The following RPTOR variants were observed in gnomAD, a reference collection of about 807,000 sequenced individuals.
RPTOR encodes the protein regulatory associated protein of MTOR complex 1.
Under a neutral mutation model 169.9 loss-of-function variants are expected in RPTOR, and 21 were observed. The observed-to-expected ratio is 0.12, with a 90% CI of 0.09 to 0.18. The LOEUF is 0.18. RPTOR is among the 10% of genes least tolerant of loss of function. RPTOR has a pLI of 1.00. For missense variants in RPTOR, 1,133 were observed against 1,855.9 expected (o/e 0.61, Z 7.16); for synonymous variants, 732 against 753.2 (o/e 0.97, Z 0.46).
intron 3 of RPTOR, among the ~76,000 whole-genome samples, chr17:80,660,703 C>T (rs1379209598): frequency 6.6e-6 from 1 of 152,200 alleles, no homozygotes; most frequent in Non-Finnish European, 1.5e-5. Context: ...CGGTCCCATC[C>T]TTCGCTCAAG....
In RPTOR at chr17:80,646,301, C is replaced by A. The variant is rs1025496741; in HGVS notation, c.348+2491C>A. Reference sequence around the variant, plus strand: ...GGGCCTCATCTATTTTAGAAATTAGCCTAAGGTAACGGATGTCACAGGATA... The same window carrying A: ...GGGCCTCATCTATTTTAGAAATTAGACTAAGGTAACGGATGTCACAGGATA... On this transcript the variant is annotated intron_variant, in intron 3 of 33. Coordinates refer to ENST00000306801, the MANE Select transcript of RPTOR (RefSeq NM_020761.3). This position sits in a 1 kb window ranked among gnomAD's most constrained non-coding sequence, Gnocchi z 5.0. Among the ~76,000 whole-genome samples, 4 of 152,178 alleles carry A rather than the reference C, an allele frequency of 2.6e-5. No individual in the cohort carries two copies. Among genetic ancestry groups the A allele is most frequent in the African/African-American group, 7.2e-5 (3 of 41,444 alleles).
intron 28 of RPTOR, among the ~76,000 whole-genome samples, chr17:80,954,207 C>T (rs1299286234): frequency 6.6e-6 from 1 of 152,004 alleles, no homozygotes. Context: ...CTGCAACCTC[C>T]ACCTCTCAGG....
At chr17:80,822,958 G>C (rs2067398800) in intron 8 of RPTOR, 121 bp from the exon 9 acceptor site, 2 of 1,028,910 alleles carry the variant, frequency 1.9e-6, no homozygotes, top group African/African-American at 3.2e-5. Flanking sequence ...TGTTGCTGAT[G>C]GGAGATATGC....
At chr17:80,656,010 G>A (rs950958480) in intron 3 of RPTOR, among the ~76,000 whole-genome samples, 5 of 151,948 alleles carry the variant, frequency 3.3e-5, no homozygotes, top group African/African-American at 7.3e-5. Flanking sequence ...ATTTTCCTTC[G>A]CCTCTTGGTG....
intron 11 of RPTOR, among the ~76,000 whole-genome samples, chr17:80,849,456 A>G (rs1240728946): frequency 6.6e-6 from 1 of 152,118 alleles, no homozygotes. Context: ...ATATAAATCA[A>G]CAGAGGAACA....
At chr17:80,859,136 A>G (rs2067889121) in intron 13 of RPTOR, among the ~76,000 whole-genome samples, 1 of 152,176 alleles carries the variant, frequency 6.6e-6, no homozygotes, top group South Asian at 2.1e-4. Context: ...ACAACTGGTC[A>G]GGAGCCCTGT....
In RPTOR at chr17:80,952,056, G is replaced by C. The variant is rs80082304; in HGVS notation, c.3370+2509G>C. ...AGGTCACGGTGTCAAGGGAGGGCCCGAGTTCCAGCAGGTTGCTGGGGGATG... is the reference window on the plus strand; with the variant it reads ...AGGTCACGGTGTCAAGGGAGGGCCCCAGTTCCAGCAGGTTGCTGGGGGATG... On this transcript the variant is annotated intron_variant, in intron 28 of 33. Coordinates refer to ENST00000306801, the MANE Select transcript of RPTOR (RefSeq NM_020761.3). Among the ~76,000 whole-genome samples the C allele has an allele frequency of 4.3e-4, 66 of 152,324 alleles. 1 individual carries two copies. The East Asian group carries it at 0.012, about 29-fold the overall frequency.
At chr17:80,654,971 G>A (rs1466525643) in intron 3 of RPTOR, among the ~76,000 whole-genome samples, 1 of 152,182 alleles carries the variant, frequency 6.6e-6, no homozygotes, top group African/African-American at 2.4e-5. Flanking sequence ...GAAAGAGAAA[G>A]TTACCAAACC....
chr17:80,712,766 C>A (rs12946217), intron 4 of RPTOR, among the ~76,000 whole-genome samples: 27,134 of 152,176 alleles, frequency 0.18, 2,852 homozygotes, highest in East Asian at 0.24. Context: ...CATGTCTACG[C>A]CGTTTTGCAT....
At chr17:80,666,504 A>T (rs1192571827) in intron 3 of RPTOR, among the ~76,000 whole-genome samples, 5 of 152,200 alleles carry the variant, frequency 3.3e-5, no homozygotes, top group Admixed American at 6.5e-5. Context: ...GGGCGCAAGG[A>T]TGAAAATGAC....
chr17:80,758,383 G>T (rs143965111), intron 6 of RPTOR, among the ~76,000 whole-genome samples: 23 of 152,288 alleles, frequency 1.5e-4, no homozygotes, highest in Admixed American at 3.3e-4. Flanking sequence ...CAAGTCCATT[G>T]TGGGGTGCTT....
chr17:80,925,494 G>A lies in RPTOR; in HGVS notation c.2919+14G>A, dbSNP rs919810649. ...CCCGTCATGAAGGTGCGCCCGGGGT[G>A]TGGGGTTCAGAGTAGAGTCCTAGCG... On this transcript the variant is annotated intron_variant, in intron 24 of 33. Coordinates refer to ENST00000306801, the MANE Select transcript of RPTOR (RefSeq NM_020761.3). 2.5e-6 allele frequency: 4 copies of A among 1,601,602 alleles called. No individual in the cohort carries two copies. The highest frequency in any genetic ancestry group is 2.2e-5 in the East Asian group (1 of 44,824).
intron 4 of RPTOR, among the ~76,000 whole-genome samples, chr17:80,727,379 T>C (rs1001111299): frequency 7.0e-6 from 1 of 142,152 alleles, no homozygotes; most frequent in East Asian, 2.1e-4. Context: ...CTTCTGATCA[T>C]GTCATGCTCT....
At chr17:80,624,870 G>A (rs1174234804) in intron 1 of RPTOR, among the ~76,000 whole-genome samples, 1 of 152,202 alleles carries the variant, frequency 6.6e-6, no homozygotes, top group East Asian at 1.9e-4. Flanking sequence ...CTAGCCCACT[G>A]AGGAGCATCC....
chr17:80,781,169 G>T (rs562172790), intron 6 of RPTOR, among the ~76,000 whole-genome samples: 7 of 152,206 alleles, frequency 4.6e-5, no homozygotes, highest in Non-Finnish European at 8.8e-5. Context: ...CAGATCCTCC[G>T]GTGACATTGC....
At position 80,708,830 on chromosome 17, in the gene RPTOR, A is replaced by G. The variant is rs12450876; in HGVS notation, c.507+831A>G. On this transcript the variant is annotated intron_variant, in intron 4 of 33. Coordinates refer to ENST00000306801, the MANE Select transcript of RPTOR (RefSeq NM_020761.3). This position sits in a 1 kb window ranked among gnomAD's most constrained non-coding sequence, Gnocchi z 4.2. Reference sequence around the variant, plus strand: ...GCCCCATATGTGCCTGAGCGTGTCTATGAGGGCACTGATTTGGAATCCAGC... The same window carrying G: ...GCCCCATATGTGCCTGAGCGTGTCTGTGAGGGCACTGATTTGGAATCCAGC... The G allele has an allele frequency of 0.21, 127,388 of 592,710 alleles. 14,601 individuals carry two copies. The highest frequency in any genetic ancestry group is 0.23 in the East Asian group (1,649 of 7,020). The allele number at this position is 592,710 out of a possible 1,614,324, so 36.7% of individuals were successfully genotyped here.
chr17:80,675,754 A>G (rs1038194037), intron 3 of RPTOR, among the ~76,000 whole-genome samples: 2 of 152,130 alleles, frequency 1.3e-5, no homozygotes, highest in African/African-American at 4.8e-5. Context: ...ACACCAGCAC[A>G]TCCGTGAATT....
chr17:80,965,411 G>A lies in RPTOR; in HGVS notation c.*1081G>A, dbSNP rs921009836. The A allele has an allele frequency of 1.3e-5, 3 of 233,292 alleles. No individual in the cohort carries two copies. The highest frequency in any genetic ancestry group is 6.6e-5 in the African/African-American group (3 of 45,360). The allele number at this position is 233,292 out of a possible 1,614,324, so 14.5% of individuals were successfully genotyped here. A position where few individuals can be genotyped will look rare whatever the true frequency, so the allele number is the denominator to read the frequency against. ...CGCCCATGCTGATGCGACCTCGGCT[G>A]ACAGCTGGGCCTGTGGTGCAGACAG... On this transcript the variant is annotated 3_prime_UTR_variant, in exon 34 of 34. Coordinates refer to ENST00000306801, the MANE Select transcript of RPTOR (RefSeq NM_020761.3).
At chr17:80,561,971 T>C (rs1326106185) in intron 1 of RPTOR, among the ~76,000 whole-genome samples, 4 of 152,192 alleles carry the variant, frequency 2.6e-5, no homozygotes, top group Non-Finnish European at 5.9e-5. Flanking sequence ...TGTGTGTACA[T>C]GTTTATACGT....
Sources: gnomAD v4.1 joint callset for allele counts (sites outside exome capture counted in the v4.1 genomes callset) on GRCh38, gnomAD v4.1.1 for gene constraint, Gnocchi (gnomAD v3.1) non-coding constraint, MANE v1.5 for transcripts, NCBI Gene and HGNC (gene_info 2026-07-23, HGNC 2026-07-21) for gene names.